The following RABGEF1 variants were observed in gnomAD, a reference collection of about 807,000 sequenced individuals.
RABGEF1 encodes RAB guanine nucleotide exchange factor 1, also known as rab5 GDP/GTP exchange factor.
In RABGEF1, 26 loss-of-function variants were observed where a neutral mutation model predicts 57.3. The ratio of observed to expected loss-of-function variants is 0.45; its 90% CI spans 0.33 to 0.63. The LOEUF (loss-of-function observed/expected upper bound fraction) is 0.63, where lower values mean the gene tolerates loss of function less well. Ranked by LOEUF, RABGEF1 falls within the 20% of genes least tolerant of loss-of-function variation. The pLI, the probability that RABGEF1 is intolerant of heterozygous loss-of-function variation, is 0.02. For synonymous variants in RABGEF1, 185 were observed against 210.7 expected, an observed-to-expected ratio of 0.88 and a Z score of 1.06; for missense variants, 464 against 607.6, an observed-to-expected ratio of 0.76 and a Z score of 2.48.
At chr7:66,793,169 C>A (rs1813138789) in intron 4 of RABGEF1, among the ~76,000 whole-genome samples, 1 of 152,076 alleles carries the variant, frequency 6.6e-6, no homozygotes, top group African/African-American at 2.4e-5. Context: ...GGTTGAGTAT[C>A]CCTTATCCGA....
intron 1 of RABGEF1, among the ~76,000 whole-genome samples, chr7:66,755,200 A>G (rs1378950848): frequency 6.6e-6 from 1 of 152,196 alleles, no homozygotes; most frequent in Non-Finnish European, 1.5e-5. Context: ...AGGCTGAGGC[A>G]GGAGAATGGT....
chr7:66,795,357 T>C (rs1394810965), intron 4 of RABGEF1, among the ~76,000 whole-genome samples, 154 bp from the exon 5 acceptor site: 2 of 152,238 alleles, frequency 1.3e-5, no homozygotes, highest in Non-Finnish European at 2.9e-5. Context: ...TATTAATGGA[T>C]AGGTTTTACT....
chr7:66,723,126 G>A (rs1384290040), intron 2 of RABGEF1, among the ~76,000 whole-genome samples: 2 of 151,858 alleles, frequency 1.3e-5, no homozygotes, highest in African/African-American at 4.8e-5. Context: ...GCGCTGCCAC[G>A]CCCGGCTAGT....
chr7:66,790,186 G>C (rs1450799367), intron 4 of RABGEF1, among the ~76,000 whole-genome samples: 2 of 152,194 alleles, frequency 1.3e-5, no homozygotes, highest in Non-Finnish European at 2.9e-5. Flanking sequence ...GTGTGTTCCA[G>C]AAGAAGAAAT....
At chr7:66,789,938 TG>T (rs1371546836) in intron 4 of RABGEF1, among the ~76,000 whole-genome samples, 7 of 152,166 alleles carry the variant, frequency 4.6e-5, no homozygotes, top group African/African-American at 1.7e-4. Context: ...TGGAAGAGGA[TG>T]TGGATCCAAA....
Position 66,805,305 on chromosome 7 carries a change from C to T in RABGEF1, c.986C>T (p.Pro329Leu), listed in dbSNP as rs1186920314. ...TACATTGTTTTGAAGGGCAACCCCC[C>T]ACGCCTTCAGTCTAATATCCAGTAT... ...LIYIVLKGNP[P>L]RLQSNIQYIT... The change falls in exon 8 of 9, where the codon CCA becomes CTA. Residue 329 changes from proline to leucine, a missense_variant. This residue lies in a region of RABGEF1 where 284 missense variants were observed against 389.9 expected (regional missense o/e 0.73). Transcript: ENST00000284957. The T allele has an allele frequency of 2.5e-6, 4 of 1,614,190 alleles. No homozygotes were observed. Among genetic ancestry groups the T allele is most frequent in the Non-Finnish European group, 3.4e-6 (4 of 1,180,034 alleles).
Position 66,810,835 on chromosome 7 carries a change from G to C in RABGEF1, c.*1551G>C, listed in dbSNP as rs1789350949. ...CCAAAATTGCAGAGCAGTAACTTTG[G>C]AATAAAACCAGGGTGGGTATAAAAC... On this transcript the variant is annotated 3_prime_UTR_variant, in exon 9 of 9. Transcript: ENST00000284957. 1 of 152,158 alleles carries C rather than the reference G, an allele frequency of 6.6e-6. No homozygotes were observed. The highest frequency in any genetic ancestry group is 2.4e-5 in the African/African-American group (1 of 41,440). 9.4% of individuals were successfully genotyped at this position (152,158 alleles called of 1,614,324 possible). A position where few individuals can be genotyped will look rare whatever the true frequency, so the allele number is the denominator to read the frequency against.
chr7:66,726,592 G>A (rs62466794), intron 2 of RABGEF1, among the ~76,000 whole-genome samples: 75,756 of 151,706 alleles, frequency 0.5, 19,886 homozygotes, highest in East Asian at 0.74. Flanking sequence ...TGAAACTCCT[G>A]TTGGGCTCAA....
At chr7:66,787,626 T>A (rs1291810808) in intron 4 of RABGEF1, among the ~76,000 whole-genome samples, 3 of 152,190 alleles carry the variant, frequency 2.0e-5, no homozygotes, top group Non-Finnish European at 4.4e-5. Context: ...ATTACAGGAT[T>A]GAGCCACAAT....
chr7:66,718,114 G>A (rs1322084960), intron 2 of RABGEF1, among the ~76,000 whole-genome samples: 6 of 151,962 alleles, frequency 3.9e-5, no homozygotes, highest in East Asian at 1.9e-4. Context: ...AGGCTGAAGC[G>A]GGCAGATCAC....
intron 1 of RABGEF1, among the ~76,000 whole-genome samples, chr7:66,746,804 T>G: frequency 6.7e-6 from 1 of 149,800 alleles, no homozygotes; most frequent in Non-Finnish European, 1.5e-5. Flanking sequence ...TTTTTTTTGC[T>G]GGAGTGAGAC....
upstream of RABGEF1, among the ~76,000 whole-genome samples, chr7:66,735,897 G>A (rs969867688): frequency 9.2e-5 from 14 of 152,300 alleles, no homozygotes; most frequent in Non-Finnish European, 2.1e-4. Context: ...ACAGAGGCCT[G>A]TAGTATCTCC....
At chr7:66,796,110 C>T (rs1263394719) in intron 5 of RABGEF1, among the ~76,000 whole-genome samples, 4 of 152,104 alleles carry the variant, frequency 2.6e-5, no homozygotes, top group Non-Finnish European at 4.4e-5. Flanking sequence ...GCACTCCAGC[C>T]TGGGCAACAG....
intron 2 of RABGEF1, among the ~76,000 whole-genome samples, chr7:66,713,223 G>A (rs569896288): frequency 1.7e-4 from 25 of 150,942 alleles, no homozygotes; most frequent in African/African-American, 5.8e-4. Flanking sequence ...CTCACCGCAA[G>A]CTCTGCTTCC....
At chr7:66,716,339 C>T (rs117583512) in intron 2 of RABGEF1, among the ~76,000 whole-genome samples, 3 of 152,298 alleles carry the variant, frequency 2.0e-5, no homozygotes, top group Admixed American at 1.3e-4. Flanking sequence ...GCGGCTCATG[C>T]GTGTAATCCC....
At chr7:66,709,091 C>T (rs184968457) in intron 1 of RABGEF1, among the ~76,000 whole-genome samples, 8 of 151,780 alleles carry the variant, frequency 5.3e-5, no homozygotes, top group Middle Eastern at 3.4e-3. Context: ...AATCTCGGCT[C>T]ACTACAACCT....
chr7:66,745,494 C>T lies in RABGEF1; in HGVS notation c.-18+4702C>T, dbSNP rs199878577. Among the ~76,000 whole-genome samples the T allele has an allele frequency of 3.9e-5, 6 of 152,108 alleles. No homozygotes were observed. In the East Asian group the frequency reaches 7.7e-4, roughly 20 times the overall value. ...AAGTTATCACACCATAGGCTGGGTG[C>T]GGTGGCTCACACCTGTAATCCCAAC... On this transcript the variant is annotated intron_variant, in intron 1 of 8. Coordinates refer to ENST00000284957, the MANE Select transcript of RABGEF1 (RefSeq NM_014504.3).
chr7:66,763,003 T>A (rs1037341329), intron 1 of RABGEF1, among the ~76,000 whole-genome samples: 2 of 152,218 alleles, frequency 1.3e-5, no homozygotes, highest in African/African-American at 4.8e-5. Flanking sequence ...ATTTATTTTT[T>A]ATTTTTATTT....
chr7:66,682,605 T>C (rs1719174120), intron 1 of RABGEF1, among the ~76,000 whole-genome samples: 1 of 152,148 alleles, frequency 6.6e-6, no homozygotes, highest in East Asian at 1.9e-4. Context: ...TCCAGGATGC[T>C]GGCTCCGAAG....
Sources: allele counts gnomAD v4.1 joint callset (sites outside exome capture counted in the v4.1 genomes callset), GRCh38; gene constraint gnomAD v4.1.1; regional missense constraint gnomAD v4.1.1; transcripts MANE v1.5; gene names NCBI Gene and HGNC (gene_info 2026-07-23, HGNC 2026-07-21).